The following ZNF33A variants were observed in gnomAD, a reference collection of about 807,000 sequenced individuals.
The protein encoded by ZNF33A is zinc finger protein 33A.
ZNF33A carries 9 observed loss-of-function variants against 15.9 expected under a neutral mutation model. The observed-to-expected ratio is 0.57, with a 90% CI of 0.34 to 0.99. The LOEUF is 0.99. ZNF33A is among the 50% of genes least tolerant of loss of function. ZNF33A has a pLI of 0.02. For missense variants in ZNF33A, 843 were observed against 941.6 expected (o/e 0.90, Z 1.37); for synonymous variants, 294 against 324.2 (o/e 0.91, Z 1.00).
chr10:38,016,976 G>A lies in ZNF33A; in HGVS notation c.115G>A (p.Asp39Asn), dbSNP rs1422298425. 1.2e-6 allele frequency: 2 copies of A among 1,611,324 alleles called. No individual in the cohort carries two copies. The highest frequency in any genetic ancestry group is 1.7e-5 in the Admixed American group (1 of 59,112). Reference sequence around the variant, plus strand: ...CCCTAGTCAGAGGGCTCTGTATAGAGATGTGATGCTGGAGAACTACAGCAA... The same window carrying A: ...CCCTAGTCAGAGGGCTCTGTATAGAAATGTGATGCTGGAGAACTACAGCAA... ...LDPSQRALYR[D>N]VMLENYSNLV... Residue 39 changes from aspartate (D) to asparagine (N), a missense_variant, in exon 3 of 5, where the codon GAT becomes AAT. Coordinates refer to ENST00000432900, the MANE Select transcript of ZNF33A (RefSeq NM_006954.2).
chr10:38,017,230 G>C, intron 3 of ZNF33A, 61 bp from the exon 4 acceptor site: 1 of 1,512,418 alleles, frequency 6.6e-7, no homozygotes, highest in African/African-American at 1.4e-5. Context: ...GCTTCTTCCT[G>C]CTTCAAAGGC....
At chr10:38,043,153 A>G (rs1278877842) in intron 4 of ZNF33A, among the ~76,000 whole-genome samples, 3 of 151,898 alleles carry the variant, frequency 2.0e-5, no homozygotes, top group Non-Finnish European at 1.5e-5. Flanking sequence ...AGGATTTTAA[A>G]TTTTCACCCT....
At chr10:38,027,352 T>G (rs1309490098) in intron 4 of ZNF33A, among the ~76,000 whole-genome samples, 1 of 152,038 alleles carries the variant, frequency 6.6e-6, no homozygotes, top group Non-Finnish European at 1.5e-5. Flanking sequence ...TTTATTCATT[T>G]GCATTTGTAT....
intron 4 of ZNF33A, among the ~76,000 whole-genome samples, chr10:38,047,512 A>G (rs1221159642): frequency 6.6e-6 from 1 of 151,650 alleles, no homozygotes. Context: ...CTGTAGTCCC[A>G]GCTACTCGGG....
chr10:38,061,450 C>G (rs970565556), downstream of ZNF33A, among the ~76,000 whole-genome samples: 1 of 152,130 alleles, frequency 6.6e-6, no homozygotes, highest in African/African-American at 2.4e-5. Context: ...CCTGCCCTCC[C>G]AATGCAAAAC....
At chr10:38,040,250 C>G (rs1261937780) in intron 4 of ZNF33A, among the ~76,000 whole-genome samples, 1 of 151,966 alleles carries the variant, frequency 6.6e-6, no homozygotes. Flanking sequence ...TTCATGTGTA[C>G]TTTTGAAGCA....
intron 2 of ZNF33A, chr10:38,015,974 C>G (rs2064435386): frequency 8.1e-7 from 1 of 1,230,912 alleles, no homozygotes. Flanking sequence ...CAGCAGTGAT[C>G]CCTAAAAGAT....
rs1194500456 is a variant in ZNF33A at position 38,057,826 on chromosome 10, G to C, written c.*1266G>C. 1.0e-6 allele frequency: 1 copy of C among 985,278 alleles called. No homozygotes were observed. The highest frequency in any genetic ancestry group is 1.2e-6 in the Non-Finnish European group (1 of 829,970). 61.0% of individuals were successfully genotyped at this position (985,278 alleles called of 1,614,324 possible). ...GCTCTCCAAGACAGGGCCCTGGAAA[G>C]GCCCACACATACAGCCCAGGGCTGC... is the stretch of plus-strand genomic sequence containing the variant. On this transcript the variant is annotated 3_prime_UTR_variant, in exon 5 of 5. Transcript: ENST00000432900.
intron 4 of ZNF33A, among the ~76,000 whole-genome samples, chr10:38,046,629 C>T (rs533565228): frequency 6.6e-6 from 1 of 152,246 alleles, no homozygotes; most frequent in South Asian, 2.1e-4. Flanking sequence ...TGAAATATTA[C>T]CAGACTTACA....
In ZNF33A at chr10:38,056,506, C is replaced by T; in HGVS notation, c.2382C>T (p.Ala794=). ...AGCCACAAGTCAGCCTCCATAATGC[C>T]TCAGAGTATTCACACTGTGGAGAAA... ...NFQPQVSLHN[A]SEYSHCGESP... is the part of the protein sequence containing the mutation. The change falls in exon 5 of 5, where the codon GCC becomes GCT. Residue 794 remains alanine (A), a synonymous_variant. Transcript: ENST00000432900. 1 of 1,609,070 alleles carries T rather than the reference C, an allele frequency of 6.2e-7. No homozygotes were observed. Among genetic ancestry groups the T allele is most frequent in the Non-Finnish European group, 8.5e-7 (1 of 1,177,662 alleles).
At chr10:38,020,855 A>T (rs143422701) in intron 4 of ZNF33A, among the ~76,000 whole-genome samples, 195 of 152,332 alleles carry the variant, frequency 1.3e-3, no homozygotes, top group Middle Eastern at 6.8e-3. Flanking sequence ...TATACCTAGC[A>T]GTGGGATTGC....
At chr10:38,064,238 C>T (rs2066688843), downstream of ZNF33A, 2 of 849,730 alleles carry the variant, frequency 2.4e-6, no homozygotes, top group South Asian at 3.3e-5. Context: ...GTCACATCTC[C>T]AACACTAGCA....
Position 38,053,771 on chromosome 10 carries a change from C to T in ZNF33A, c.251-604C>T, listed in dbSNP as rs141194240. The stretch of plus-strand genomic sequence containing the variant: ...TAACCTGAGCTTTAATCTACGTGAA[C>T]TCAGACATCTTCTGAGTATTTTCCC... On this transcript the variant is annotated intron_variant, in intron 4 of 4. Transcript: ENST00000432900. Among the ~76,000 whole-genome samples, 33 of 152,284 alleles carry T rather than the reference C, an allele frequency of 2.2e-4. No homozygotes were observed. The East Asian group carries it at 5.8e-3, about 27-fold the overall frequency.
In ZNF33A at chr10:38,057,394, G is replaced by A. The variant is rs186666702; in HGVS notation, c.*834G>A. The stretch of plus-strand genomic sequence containing the variant: ...GGGCAATAGCATTAAGCACATCTGC[G>A]AATTATCCCTGAAGTTCAAAAGACT... On this transcript the variant is annotated 3_prime_UTR_variant, in exon 5 of 5. Transcript: ENST00000432900. 53 of 985,338 alleles carry A rather than the reference G, an allele frequency of 5.4e-5. No homozygotes were observed. The East Asian group carries it at 5.7e-4, about 11-fold the overall frequency. 61.0% of individuals were successfully genotyped at this position (985,338 alleles called of 1,614,324 possible).
At chr10:38,064,788 C>G (rs2480522), downstream of ZNF33A, 9,132 of 152,202 alleles carry the variant, frequency 0.06, 354 homozygotes, top group Middle Eastern at 0.1. Flanking sequence ...TTCCTTGGCT[C>G]TCTGTCATCT....
chr10:38,014,752 T>G (rs754094342), intron 2 of ZNF33A, among the ~76,000 whole-genome samples: 1 of 152,234 alleles, frequency 6.6e-6, no homozygotes, highest in Non-Finnish European at 1.5e-5. Context: ...GTTTAACACA[T>G]TTTTTCTTCA....
intron 4 of ZNF33A, among the ~76,000 whole-genome samples, chr10:38,051,388 A>AC (rs2066197448): frequency 6.6e-6 from 1 of 152,194 alleles, no homozygotes; most frequent in African/African-American, 2.4e-5. Context: ...CGTATAAAGA[A>AC]CCAACAGGTT....
At chr10:38,010,649 A>G (rs766933730), upstream of ZNF33A, 11 of 1,515,218 alleles carry the variant, frequency 7.3e-6, no homozygotes, top group Non-Finnish European at 1.0e-5. Context: ...GGCTCTGCGC[A>G]TGCCTCGTCC....
chr10:38,033,864 C>T (rs545427119), intron 4 of ZNF33A, among the ~76,000 whole-genome samples: 37 of 152,108 alleles, frequency 2.4e-4, no homozygotes, highest in African/African-American at 8.9e-4. Flanking sequence ...AGGTGCCCAC[C>T]ACCATGCCAG....
Sources: gnomAD v4.1 joint callset for allele counts (sites outside exome capture counted in the v4.1 genomes callset) on GRCh38, gnomAD v4.1.1 for gene constraint, MANE v1.5 for transcripts, NCBI Gene and HGNC (gene_info 2026-07-23, HGNC 2026-07-21) for gene names.